Variants in PCGF5 observed in about 807,000 individuals in gnomAD.
The protein encoded by PCGF5 is polycomb group RING finger protein 5.
In PCGF5, 9 loss-of-function variants were observed where a neutral mutation model predicts 44.3. The observed-to-expected ratio is 0.20, with a 90% CI of 0.12 to 0.35. PCGF5 has a LOEUF of 0.35. Ranked by LOEUF, PCGF5 falls within the 10% of genes least tolerant of loss-of-function variation. The pLI is 1.00. For missense variants in PCGF5, 146 were observed against 305.3 expected, an observed-to-expected ratio of 0.48 and a Z score of 3.89; for synonymous variants, 95 against 102.5, an observed-to-expected ratio of 0.93 and a Z score of 0.44.
chr10:91,173,780 T>C (rs1843655595), intron 1 of PCGF5, among the ~76,000 whole-genome samples: 1 of 152,176 alleles, frequency 6.6e-6, no homozygotes, highest in South Asian at 2.1e-4. Flanking sequence ...TGCTAGGTTT[T>C]CAGCCTTAAA....
At chr10:91,208,944 C>G (rs1269756184) in intron 1 of PCGF5, among the ~76,000 whole-genome samples, 1 of 152,206 alleles carries the variant, frequency 6.6e-6, no homozygotes, top group Admixed American at 6.5e-5. Context: ...TTTTCTTGCT[C>G]TACAGGAGTG....
chr10:91,168,929 GAAAAAAAAAAAAAAAA>G (rs57345364), intron 1 of PCGF5, among the ~76,000 whole-genome samples: 9 of 56,164 alleles, frequency 1.6e-4, no homozygotes, highest in African/African-American at 6.5e-4. Flanking sequence ...CTCCGTCTCA[GAAAAAAAAAAAAAAAA>G]AAAAAAAAAA....
At chr10:91,248,631 GACTTTT>G (rs778157519) in intron 4 of PCGF5, 28 bp from the exon 5 acceptor site, 7 of 1,598,778 alleles carry the variant, frequency 4.4e-6, no homozygotes, top group East Asian at 4.5e-5. Context: ...AAGATTTCAT[GACTTTT>G]ACTTTTATAC....
At position 91,282,580 on chromosome 10, in the gene PCGF5, A is replaced by T. The variant is rs1363752107; in HGVS notation, c.*4264A>T. On this transcript the variant is annotated 3_prime_UTR_variant, in exon 10 of 10. Transcript: ENST00000336126. The stretch of plus-strand genomic sequence containing the variant: ...CAACTTTGACAAAATGGGTCACAGA[A>T]CAAGCATGTACATCAAGAGGAAGTT... 6.6e-6 allele frequency: 1 copy of T among 152,638 alleles called. No homozygotes were observed. Among genetic ancestry groups the T allele is most frequent in the Non-Finnish European group, 1.5e-5 (1 of 68,048 alleles). The allele number at this position is 152,638 out of a possible 1,614,324, so 9.5% of individuals were successfully genotyped here. A position where few individuals can be genotyped will look rare whatever the true frequency, so the allele number is the denominator to read the frequency against.
intron 6 of PCGF5, among the ~76,000 whole-genome samples, chr10:91,252,682 T>C (rs1394878763): frequency 6.6e-6 from 1 of 152,016 alleles, no homozygotes; most frequent in Non-Finnish European, 1.5e-5. Context: ...TCATCCCCCT[T>C]TTTGGGAAGT....
intron 1 of PCGF5, among the ~76,000 whole-genome samples, chr10:91,178,355 AG>A (rs1843751037): frequency 6.6e-6 from 1 of 151,868 alleles, no homozygotes. Context: ...TGGAGAGGTG[AG>A]GCAGGGTATT....
intron 7 of PCGF5, among the ~76,000 whole-genome samples, chr10:91,262,723 A>C (rs1000733702): frequency 6.6e-6 from 1 of 152,210 alleles, no homozygotes; most frequent in African/African-American, 2.4e-5. Context: ...AGAGACATCA[A>C]CGTTTGTATT....
At chr10:91,256,236 C>A (rs954224797) in intron 6 of PCGF5, among the ~76,000 whole-genome samples, 3 of 152,018 alleles carry the variant, frequency 2.0e-5, no homozygotes, top group Non-Finnish European at 4.4e-5. Flanking sequence ...CAAGAATGAT[C>A]TCACCAAATA....
intron 1 of PCGF5, among the ~76,000 whole-genome samples, chr10:91,207,839 A>G (rs547515125): frequency 8.3e-4 from 127 of 152,332 alleles, no homozygotes; most frequent in Admixed American, 4.5e-3. Context: ...AACATTACAT[A>G]GGTGATAATG....
At chr10:91,168,469 C>T (rs1033742508) in intron 1 of PCGF5, among the ~76,000 whole-genome samples, 7 of 152,052 alleles carry the variant, frequency 4.6e-5, no homozygotes, top group African/African-American at 1.7e-4. Context: ...GTCAGTTGGG[C>T]AGTGGGGATT....
chr10:91,194,922 G>C (rs775805528), intron 1 of PCGF5, among the ~76,000 whole-genome samples: 1 of 152,146 alleles, frequency 6.6e-6, no homozygotes, highest in Non-Finnish European at 1.5e-5. Flanking sequence ...CCTCAAGTAG[G>C]GCAATAAAGA....
chr10:91,163,274 G>C (rs1056869020), intron 1 of PCGF5, among the ~76,000 whole-genome samples: 1 of 150,786 alleles, frequency 6.6e-6, no homozygotes, highest in Non-Finnish European at 1.5e-5. Context: ...GCCGGTGGGC[G>C]GCGCGGCCGG....
chr10:91,268,825 C>A (rs1016460887), intron 8 of PCGF5, among the ~76,000 whole-genome samples: 2 of 152,140 alleles, frequency 1.3e-5, no homozygotes, highest in Non-Finnish European at 2.9e-5. Flanking sequence ...CCTGCCCTCT[C>A]TAGACCCTTG....
intron 1 of PCGF5, among the ~76,000 whole-genome samples, chr10:91,195,585 A>G (rs1437839205): frequency 6.6e-6 from 1 of 151,554 alleles, no homozygotes; most frequent in South Asian, 2.1e-4. Context: ...CCTGGCCTCA[A>G]GTAATCCTCC....
chr10:91,196,063 G>C (rs774500076), intron 1 of PCGF5, among the ~76,000 whole-genome samples: 9 of 151,384 alleles, frequency 5.9e-5, no homozygotes, highest in Non-Finnish European at 1.0e-4. Flanking sequence ...GTCAAGTGTT[G>C]CCCCATGGGG....
chr10:91,171,991 G>A (rs1245440770), intron 1 of PCGF5, among the ~76,000 whole-genome samples: 1 of 152,174 alleles, frequency 6.6e-6, no homozygotes, highest in African/African-American at 2.4e-5. Flanking sequence ...TTAAAGATAA[G>A]GAAGTTGTTC....
At chr10:91,268,244 G>A (rs1267680189) in intron 8 of PCGF5, among the ~76,000 whole-genome samples, 1 of 152,040 alleles carries the variant, frequency 6.6e-6, no homozygotes, top group African/African-American at 2.4e-5. Context: ...CCCTCCAGTT[G>A]TCTACTTTCT....
intron 1 of PCGF5, among the ~76,000 whole-genome samples, chr10:91,169,415 A>G (rs1404416340): frequency 3.3e-5 from 5 of 152,222 alleles, no homozygotes; most frequent in Admixed American, 1.3e-4. Context: ...TCCTGGAACT[A>G]ATAAGCAATT....
chr10:91,192,173 T>C (rs1464981628), intron 1 of PCGF5, among the ~76,000 whole-genome samples: 1 of 152,228 alleles, frequency 6.6e-6, no homozygotes, highest in Non-Finnish European at 1.5e-5. Flanking sequence ...AGTACTTCCT[T>C]AAACAAAAAT....
Sources: allele counts gnomAD v4.1 joint callset (sites outside exome capture counted in the v4.1 genomes callset), GRCh38; gene constraint gnomAD v4.1.1; transcripts MANE v1.5; gene names NCBI Gene and HGNC (gene_info 2026-07-23, HGNC 2026-07-21).